The following CCSER2 variants were observed in gnomAD, a reference collection of about 807,000 sequenced individuals.
CCSER2 encodes the protein serine-rich coiled-coil domain-containing protein 2.
A neutral mutation model predicts 92.3 loss-of-function variants in CCSER2; 46 were observed. The observed-to-expected ratio is 0.50, with a 90% CI of 0.39 to 0.64. CCSER2 has a LOEUF of 0.64. CCSER2 is among the 30% of genes least tolerant of loss of function. The probability of loss-of-function intolerance (pLI) is 0.00; values close to 1 mark genes in which losing one functional copy is unlikely to be tolerated. For synonymous variants in CCSER2, 433 were observed against 431.4 expected (o/e 1.00, Z -0.04); for missense variants, 1,244 against 1,238.9 (o/e 1.00, Z -0.06).
chr10:84,456,589 C>T (rs747081150), intron 6 of CCSER2, among the ~76,000 whole-genome samples: 2 of 152,078 alleles, frequency 1.3e-5, no homozygotes, highest in Admixed American at 6.6e-5. Flanking sequence ...TTATTTCTCT[C>T]GGGTAAATAC....
At chr10:84,404,937 A>G (rs1365676861) in intron 3 of CCSER2, among the ~76,000 whole-genome samples, 1 of 152,222 alleles carries the variant, frequency 6.6e-6, no homozygotes, top group Non-Finnish European at 1.5e-5. Context: ...TGTGGTGTTC[A>G]TGAATTGGAA....
intron 6 of CCSER2, among the ~76,000 whole-genome samples, chr10:84,442,233 A>G (rs1387832964): frequency 7.9e-5 from 12 of 152,198 alleles, no homozygotes. Context: ...AGTGTCCTAA[A>G]AAGATGGTGG....
At chr10:84,470,225 C>T (rs780319206) in intron 7 of CCSER2, 147 bp from the exon 8 acceptor site, 7 of 383,208 alleles carry the variant, frequency 1.8e-5, no homozygotes, top group South Asian at 5.0e-5. Flanking sequence ...ACTTCATTAC[C>T]GGATGAAATC....
At chr10:84,345,827 T>A in intron 1 of CCSER2, among the ~76,000 whole-genome samples, 1 of 152,270 alleles carries the variant, frequency 6.6e-6, no homozygotes, top group Non-Finnish European at 1.5e-5. Flanking sequence ...ATAATGATAA[T>A]TATTGAAGTA....
chr10:84,330,834 T>C (rs555423862), intron 1 of CCSER2, among the ~76,000 whole-genome samples: 1 of 152,256 alleles, frequency 6.6e-6, no homozygotes, highest in East Asian at 1.9e-4. Context: ...CATTTTATGA[T>C]ACAGGAATAA....
At chr10:84,496,672 T>C (rs748549627) in intron 9 of CCSER2, among the ~76,000 whole-genome samples, 11 of 152,226 alleles carry the variant, frequency 7.2e-5, no homozygotes, top group Non-Finnish European at 1.6e-4. Flanking sequence ...ACAAGTTTCC[T>C]GCATTGCTAG....
intron 6 of CCSER2, among the ~76,000 whole-genome samples, chr10:84,448,575 G>A (rs1237695058): frequency 6.6e-6 from 1 of 152,180 alleles, no homozygotes; most frequent in Non-Finnish European, 1.5e-5. Context: ...TTTAAAAAAA[G>A]TATCAACTTT....
intron 5 of CCSER2, among the ~76,000 whole-genome samples, chr10:84,436,233 G>A (rs1844118518): frequency 6.8e-6 from 1 of 146,608 alleles, no homozygotes; most frequent in South Asian, 2.2e-4. Flanking sequence ...GGCTGAGGCA[G>A]GAGAATGGCG....
intron 9 of CCSER2, among the ~76,000 whole-genome samples, chr10:84,489,646 A>T (rs555517090): frequency 6.6e-6 from 1 of 152,218 alleles, no homozygotes; most frequent in Admixed American, 6.5e-5. Flanking sequence ...TGCACATGAG[A>T]TCGGTCTCCT....
intron 6 of CCSER2, among the ~76,000 whole-genome samples, chr10:84,449,566 C>T (rs907464918): frequency 6.6e-6 from 1 of 151,848 alleles, no homozygotes; most frequent in African/African-American, 2.4e-5. Flanking sequence ...AAAATGCTAA[C>T]GTAGGGCTGG....
intron 3 of CCSER2, among the ~76,000 whole-genome samples, chr10:84,405,500 C>A (rs1842333598): frequency 6.6e-6 from 1 of 151,986 alleles, no homozygotes; most frequent in Non-Finnish European, 1.5e-5. Flanking sequence ...AAGATACTGT[C>A]AAGAAACAAT....
At chr10:84,474,905 C>T (rs1046570005) in intron 8 of CCSER2, among the ~76,000 whole-genome samples, 15 of 152,248 alleles carry the variant, frequency 9.9e-5, no homozygotes, top group African/African-American at 3.4e-4. Context: ...GTAAACTCAA[C>T]AAGAAATTAT....
intron 1 of CCSER2, among the ~76,000 whole-genome samples, chr10:84,329,088 A>G (rs1261242237): frequency 6.6e-6 from 1 of 152,080 alleles, no homozygotes; most frequent in Non-Finnish European, 1.5e-5. Context: ...TTCAGGAGAA[A>G]TCAGGGCGAG....
In CCSER2 at chr10:84,517,720, C is replaced by G. The variant is rs1849643374; in HGVS notation, c.*3453C>G. On this transcript the variant is annotated 3_prime_UTR_variant, in exon 10 of 10. Coordinates refer to ENST00000372088, the MANE Select transcript of CCSER2 (RefSeq NM_001284240.2). ...AGTTTTCTTTGAATGTTCCATTGTT[C>G]CGATAAGTATTTTACTTTTTTCTCA... is the stretch of plus-strand genomic sequence containing the variant. 6.6e-6 allele frequency: 1 copy of G among 152,582 alleles called. No individual in the cohort carries two copies. Among genetic ancestry groups the G allele is most frequent in the African/African-American group, 2.4e-5 (1 of 41,424 alleles). The allele number at this position is 152,582 out of a possible 1,614,324, so 9.5% of individuals were successfully genotyped here.
chr10:84,510,679 C>T (rs1849303020), intron 9 of CCSER2, among the ~76,000 whole-genome samples: 1 of 152,158 alleles, frequency 6.6e-6, no homozygotes, highest in African/African-American at 2.4e-5. Context: ...TTTATATGAA[C>T]ACAGTTGAAT....
At chr10:84,454,285 A>G (rs1333355946) in intron 6 of CCSER2, among the ~76,000 whole-genome samples, 1 of 152,058 alleles carries the variant, frequency 6.6e-6, no homozygotes, top group Non-Finnish European at 1.5e-5. Flanking sequence ...CTCCCTTCTT[A>G]TAAGGATATC....
intron 5 of CCSER2, among the ~76,000 whole-genome samples, chr10:84,437,888 A>G (rs1380961328): frequency 6.6e-6 from 1 of 151,744 alleles, no homozygotes; most frequent in Non-Finnish European, 1.5e-5. Flanking sequence ...AATTTTTTGT[A>G]TTTTTAGTAG....
chr10:84,423,279 C>A (rs562814298), intron 4 of CCSER2, among the ~76,000 whole-genome samples: 4 of 152,270 alleles, frequency 2.6e-5, no homozygotes, highest in Admixed American at 6.5e-5. Context: ...ATGATACTTC[C>A]TGCAGAATCT....
intron 3 of CCSER2, among the ~76,000 whole-genome samples, chr10:84,395,859 C>A (rs1841799784): frequency 6.6e-6 from 1 of 152,166 alleles, no homozygotes; most frequent in South Asian, 2.1e-4. Context: ...GTCATTATGT[C>A]TCCAAGGAAG....
Sources: gnomAD v4.1 joint callset for allele counts (sites outside exome capture counted in the v4.1 genomes callset) on GRCh38, gnomAD v4.1.1 for gene constraint, MANE v1.5 for transcripts, NCBI Gene and HGNC (gene_info 2026-07-23, HGNC 2026-07-21) for gene names.